Variants in CALN1 observed in about 807,000 individuals in gnomAD.
CALN1 encodes the protein calneuron 1, also known as calcium-binding protein 8.
Under a neutral mutation model 30.6 loss-of-function variants are expected in CALN1, and 17 were observed. The observed-to-expected ratio is 0.56, with a 90% CI of 0.38 to 0.83. CALN1 has a LOEUF of 0.83. Ranked by LOEUF, CALN1 falls within the 40% of genes least tolerant of loss-of-function variation. CALN1 has a pLI of 0.00. For missense variants in CALN1, 291 were observed against 354.9 expected (o/e 0.82, Z 1.45); for synonymous variants, 156 against 131.4 (o/e 1.19, Z -1.28).
At chr7:72,384,226 G>C (rs1439972353) in intron 2 of CALN1, among the ~76,000 whole-genome samples, 1 of 152,170 alleles carries the variant, frequency 6.6e-6, no homozygotes, top group African/African-American at 2.4e-5. Flanking sequence ...AACTGTCTCT[G>C]AGAAGTGTAG....
chr7:72,061,796 CAAAAAAAAAA>C (rs1161510912), intron 4 of CALN1, among the ~76,000 whole-genome samples: 15 of 85,134 alleles, frequency 1.8e-4, no homozygotes, highest in Non-Finnish European at 1.3e-4. Flanking sequence ...GACTCTGTCT[CAAAAAAAAAA>C]AAAAAAAAAA....
chr7:72,321,367 G>A (rs772484038), intron 2 of CALN1, among the ~76,000 whole-genome samples: 26 of 152,156 alleles, frequency 1.7e-4, no homozygotes, highest in Non-Finnish European at 7.3e-5. Context: ...AGCACATCAC[G>A]GCTGGGTGAT....
chr7:72,314,378 T>C (rs140067105), intron 2 of CALN1, among the ~76,000 whole-genome samples: 1 of 58,588 alleles, frequency 1.7e-5, no homozygotes, highest in African/African-American at 3.8e-5. Flanking sequence ...TATATACACA[T>C]ATATACACAT....
At chr7:72,203,184 CG>C (rs975584554) in intron 3 of CALN1, among the ~76,000 whole-genome samples, 19 of 151,778 alleles carry the variant, frequency 1.3e-4, no homozygotes, top group Admixed American at 2.6e-4. Flanking sequence ...CAGGGCCTGT[CG>C]GGGGGTGAGG....
intron 5 of CALN1, among the ~76,000 whole-genome samples, chr7:71,979,274 C>T (rs1245779161): frequency 1.3e-5 from 2 of 152,100 alleles, no homozygotes; most frequent in African/African-American, 4.8e-5. Flanking sequence ...TTATTGTGCA[C>T]TTTACTTCTA....
intron 5 of CALN1, among the ~76,000 whole-genome samples, chr7:71,815,601 G>A (rs1222248073): frequency 6.6e-6 from 1 of 152,130 alleles, no homozygotes; most frequent in African/African-American, 2.4e-5. Flanking sequence ...TGTGGTTTCT[G>A]CAGTGTAACT....
At chr7:72,091,246 C>T (rs949725580) in intron 4 of CALN1, among the ~76,000 whole-genome samples, 4 of 152,122 alleles carry the variant, frequency 2.6e-5, no homozygotes, top group African/African-American at 9.7e-5. Context: ...GCAGGAGAAT[C>T]GCTGGAACTG....
At chr7:72,405,883 T>TC (rs1806663616) in intron 1 of CALN1, among the ~76,000 whole-genome samples, 3 of 152,020 alleles carry the variant, frequency 2.0e-5, no homozygotes, top group South Asian at 2.1e-4. Context: ...TCTTGTCAGG[T>TC]CCCCCCAGGC....
intron 3 of CALN1, among the ~76,000 whole-genome samples, chr7:72,246,729 A>G (rs939566718): frequency 6.6e-6 from 1 of 150,614 alleles, no homozygotes; most frequent in African/African-American, 2.4e-5. Flanking sequence ...AGTTAGGCCA[A>G]TGATCCTCAT....
chr7:71,912,966 A>G (rs1046377384), intron 5 of CALN1, among the ~76,000 whole-genome samples: 3 of 152,160 alleles, frequency 2.0e-5, no homozygotes, highest in Non-Finnish European at 4.4e-5. Flanking sequence ...CTTGGAGGAG[A>G]AGCCTGGGGT....
At chr7:72,390,608 C>A (rs1222992061) in intron 2 of CALN1, among the ~76,000 whole-genome samples, 9 of 152,084 alleles carry the variant, frequency 5.9e-5, no homozygotes. Context: ...GCATTTTCTT[C>A]AATTAGGAAT....
intron 3 of CALN1, among the ~76,000 whole-genome samples, chr7:72,274,931 C>T (rs35417702): frequency 0.46 from 70,202 of 151,830 alleles, 17,198 homozygotes; most frequent in South Asian, 0.64. Flanking sequence ...TAGGGACTTC[C>T]CAGAAGGGAA....
chr7:72,076,455 A>C (rs1206087163), intron 4 of CALN1, among the ~76,000 whole-genome samples: 2 of 151,192 alleles, frequency 1.3e-5, no homozygotes. Context: ...AAAATTAGCC[A>C]GGTGTGGTGG....
intron 3 of CALN1, among the ~76,000 whole-genome samples, chr7:72,131,545 G>A (rs971847306): frequency 8.5e-5 from 13 of 152,234 alleles, no homozygotes; most frequent in Admixed American, 4.6e-4. Context: ...TTCAATACCC[G>A]AACTGATTCT....
At chr7:72,403,075 A>G (rs539118872) in intron 2 of CALN1, among the ~76,000 whole-genome samples, 176 bp downstream of exon 2, 1 of 152,272 alleles carries the variant, frequency 6.6e-6, no homozygotes, top group Admixed American at 6.5e-5. Flanking sequence ...TAGGCTCAAG[A>G]AAGGGGATAG....
intron 2 of CALN1, among the ~76,000 whole-genome samples, chr7:72,395,925 A>G (rs1288027524): frequency 1.3e-5 from 2 of 152,038 alleles, no homozygotes; most frequent in African/African-American, 2.4e-5. Flanking sequence ...CTGATTTAGG[A>G]GGTAGGACCT....
At chr7:72,157,532 A>G (rs1172714177) in intron 3 of CALN1, among the ~76,000 whole-genome samples, 1 of 152,170 alleles carries the variant, frequency 6.6e-6, no homozygotes, top group Non-Finnish European at 1.5e-5. Context: ...GAAGGATTTA[A>G]TCATGTAAAG....
At chr7:71,980,265 C>T (rs1245827057) in intron 5 of CALN1, among the ~76,000 whole-genome samples, 1 of 150,896 alleles carries the variant, frequency 6.6e-6, no homozygotes, top group Non-Finnish European at 1.5e-5. Context: ...CTGCTCACTG[C>T]AACCTTCACC....
chr7:72,154,900 T>C (rs1787546695), intron 3 of CALN1, among the ~76,000 whole-genome samples: 1 of 151,656 alleles, frequency 6.6e-6, no homozygotes, highest in Non-Finnish European at 1.5e-5. Flanking sequence ...TACAATTTTT[T>C]TTTTTAATTA....
Sources: gnomAD v4.1 joint callset for allele counts (sites outside exome capture counted in the v4.1 genomes callset) on GRCh38, gnomAD v4.1.1 for gene constraint, MANE v1.5 for transcripts, NCBI Gene and HGNC (gene_info 2026-07-23, HGNC 2026-07-21) for gene names.